Variants in MAST4 observed in about 807,000 individuals in gnomAD.
MAST4 encodes microtubule associated serine/threonine kinase family member 4.
A neutral mutation model predicts 162.7 loss-of-function variants in MAST4; 89 were observed. The observed-to-expected ratio is 0.55, with a 90% CI of 0.46 to 0.65. The LOEUF is 0.65. Among genes scored for constraint, MAST4 ranks in the 30% least tolerant of loss-of-function variants. The pLI, the probability that MAST4 is intolerant of heterozygous loss-of-function variation, is 0.00. For synonymous variants in MAST4, 1,479 were observed against 1,361.1 expected (o/e 1.09, Z -1.91); for missense variants, 3,153 against 3,374.0 (o/e 0.93, Z 1.62).
chr5:67,026,278 T>G (rs1199646318), intron 4 of MAST4, among the ~76,000 whole-genome samples: 2 of 152,214 alleles, frequency 1.3e-5, no homozygotes, highest in African/African-American at 2.4e-5. Context: ...GGAAAAAATA[T>G]TTTAAGAGGC....
intron 3 of MAST4, among the ~76,000 whole-genome samples, chr5:66,852,397 C>T (rs903302478): frequency 2.0e-5 from 3 of 152,122 alleles, no homozygotes; most frequent in African/African-American, 4.8e-5. Context: ...CTGCTTTCCT[C>T]GACCTCCAAA....
chr5:66,673,260 C>T (rs2149475459), intron 1 of MAST4, among the ~76,000 whole-genome samples: 1 of 152,090 alleles, frequency 6.6e-6, no homozygotes, highest in East Asian at 1.9e-4. Context: ...TAACTTTGTC[C>T]ATAGTGGTCT....
intron 1 of MAST4, among the ~76,000 whole-genome samples, chr5:66,693,649 C>G (rs13180521): frequency 3.3e-4 from 15 of 45,510 alleles, no homozygotes; most frequent in African/African-American, 9.8e-4. Flanking sequence ...GCCATCAAAT[C>G]TCTTAAGATT....
chr5:66,709,221 T>G (rs1038459766), intron 1 of MAST4, among the ~76,000 whole-genome samples: 3 of 152,190 alleles, frequency 2.0e-5, no homozygotes, highest in Non-Finnish European at 4.4e-5. Context: ...ATACTTTGCT[T>G]TGTTTGAAAT....
At chr5:66,975,813 G>A (rs1173468881) in intron 4 of MAST4, among the ~76,000 whole-genome samples, 1 of 152,092 alleles carries the variant, frequency 6.6e-6, no homozygotes, top group Non-Finnish European at 1.5e-5. Context: ...GGCCAATATG[G>A]TGAAACCCCC....
intron 21 of MAST4, chr5:67,142,756 AAC>A: frequency 2.3e-6 from 1 of 430,752 alleles, no homozygotes; most frequent in East Asian, 3.8e-5. Context: ...CCTGTGAGAC[AAC>A]AGAGATTCAG....
At chr5:66,726,130 G>A (rs533776989) in intron 1 of MAST4, among the ~76,000 whole-genome samples, 4 of 151,982 alleles carry the variant, frequency 2.6e-5, no homozygotes, top group Non-Finnish European at 5.9e-5. Context: ...GGGGTGGGGA[G>A]GCAATGATAG....
At chr5:66,796,220 T>C (rs983269697) in intron 3 of MAST4, among the ~76,000 whole-genome samples, 2 of 152,178 alleles carry the variant, frequency 1.3e-5, no homozygotes, top group Non-Finnish European at 2.9e-5. Flanking sequence ...TCTAAATGTG[T>C]ATTCTGATTG....
intron 1 of MAST4, among the ~76,000 whole-genome samples, chr5:66,610,441 G>A (rs140859369): frequency 1.3e-5 from 2 of 152,318 alleles, no homozygotes; most frequent in Non-Finnish European, 2.9e-5. Flanking sequence ...TAGAAATGGT[G>A]AAGAAGAAAA....
intron 4 of MAST4, among the ~76,000 whole-genome samples, chr5:66,917,590 CTT>C: frequency 1.2e-5 from 1 of 83,586 alleles, no homozygotes; most frequent in Non-Finnish European, 2.2e-5. Context: ...GTAGGATTCT[CTT>C]TCTTTTTTTT....
chr5:67,074,735 T>G (rs1761396554), intron 5 of MAST4, among the ~76,000 whole-genome samples: 1 of 152,224 alleles, frequency 6.6e-6, no homozygotes, highest in African/African-American at 2.4e-5. Context: ...TATTTGTATA[T>G]ACGTGTATAC....
chr5:66,911,567 CCCCCCCCCGCAA>C (rs1447776672), intron 4 of MAST4, among the ~76,000 whole-genome samples: 2 of 76,876 alleles, frequency 2.6e-5, no homozygotes, highest in Non-Finnish European at 5.8e-5. Flanking sequence ...AACCCCCCCC[CCCCCCCCCGCAA>C]AAAAAAATTA....
At chr5:67,018,131 C>T (rs576433465) in intron 4 of MAST4, among the ~76,000 whole-genome samples, 49 of 152,128 alleles carry the variant, frequency 3.2e-4, no homozygotes, top group South Asian at 1.7e-3. Context: ...ATGATTAACA[C>T]ATAGTTAGAT....
At chr5:67,023,725 C>G (rs1046463113) in intron 4 of MAST4, among the ~76,000 whole-genome samples, 1 of 151,924 alleles carries the variant, frequency 6.6e-6, no homozygotes, top group Non-Finnish European at 1.5e-5. Flanking sequence ...GGGTGGAGGG[C>G]AGGATGGTGG....
rs915176301 is a variant in MAST4 at position 67,144,727 on chromosome 5, T to TGAC, written c.2790_2791insACG (p.Val930_Asp931insThr). On this transcript the variant is annotated inframe_insertion, in exon 22 of 29. Transcript: ENST00000403625. ...TCAGCAGAAGAGAAGGAAGACTCTG[T>TGAC]GGACAAAACCAAAAGCACCACCTTG... 6.2e-7 allele frequency: 1 copy of TGAC among 1,613,840 alleles called. No individual in the cohort carries two copies. Among genetic ancestry groups the TGAC allele is most frequent in the African/African-American group, 1.3e-5 (1 of 74,926 alleles).
chr5:66,717,597 T>TC (rs1750922387), intron 1 of MAST4, among the ~76,000 whole-genome samples: 1 of 152,194 alleles, frequency 6.6e-6, no homozygotes, highest in Non-Finnish European at 1.5e-5. Context: ...AAAAAGGCTT[T>TC]CAGAAATGAG....
intron 3 of MAST4, among the ~76,000 whole-genome samples, chr5:66,790,951 T>C (rs1755370308): frequency 6.6e-6 from 1 of 152,254 alleles, no homozygotes; most frequent in Non-Finnish European, 1.5e-5. Flanking sequence ...CCTGTATGTT[T>C]ATCGCCAAGT....
At chr5:66,625,983 A>G (rs905539045) in intron 1 of MAST4, among the ~76,000 whole-genome samples, 1 of 152,232 alleles carries the variant, frequency 6.6e-6, no homozygotes, top group African/African-American at 2.4e-5. Flanking sequence ...TTGCAACAAC[A>G]TGGGTGGAGC....
At chr5:66,905,772 GGATTCAAA>G (rs1390950056) in intron 4 of MAST4, among the ~76,000 whole-genome samples, 4 of 152,056 alleles carry the variant, frequency 2.6e-5, no homozygotes, top group Non-Finnish European at 4.4e-5. Flanking sequence ...GATCATAGGT[GGATTCAAA>G]GATTTTCTGA....
Sources: allele counts gnomAD v4.1 joint callset (sites outside exome capture counted in the v4.1 genomes callset), GRCh38; gene constraint gnomAD v4.1.1; transcripts MANE v1.5; gene names NCBI Gene and HGNC (gene_info 2026-07-23, HGNC 2026-07-21).